OSMR: variants seen among roughly 807,000 people sequenced by gnomAD.
The protein encoded by OSMR is oncostatin-M-specific receptor subunit beta.
A neutral mutation model predicts 99.9 loss-of-function variants in OSMR; 81 were observed. That is an observed-to-expected ratio of 0.81 (90% CI 0.68 to 0.97). The LOEUF (loss-of-function observed/expected upper bound fraction) is 0.97. Ranked by LOEUF, OSMR falls within the 50% of genes least tolerant of loss-of-function variation. OSMR has a pLI of 0.00. For synonymous variants in OSMR, 406 were observed against 410.4 expected (o/e 0.99, Z 0.13); for missense variants, 1,099 against 1,153.4 (o/e 0.95, Z 0.68).
intron 9 of OSMR, among the ~76,000 whole-genome samples, chr5:38,909,725 G>A (rs535140222): frequency 6.6e-6 from 1 of 152,292 alleles, no homozygotes; most frequent in East Asian, 1.9e-4. Flanking sequence ...GATCCTTAAG[G>A]AAGTGCCAAA....
intron 2 of OSMR, chr5:38,944,761 G>A: frequency 3.6e-6 from 3 of 835,248 alleles, no homozygotes; most frequent in Non-Finnish European, 5.7e-6. Flanking sequence ...TGATATAGGT[G>A]CAATAATTAA....
At chr5:38,942,760 T>C in intron 1 of OSMR, 1 of 1,247,862 alleles carries the variant, frequency 8.0e-7, no homozygotes, top group South Asian at 1.3e-5. Flanking sequence ...CCAGCTATAA[T>C]CTGTATTTTA....
rs1227291247 is a variant in OSMR at position 38,870,480 on chromosome 5, C to T, written c.73+1363C>T. ...CTGAGTAGCTGGGATTACAGGCACA[C>T]GCCACCACGCCCAGCTAATTTTTTT... On this transcript the variant is annotated intron_variant, in intron 2 of 17. Coordinates refer to ENST00000274276, the MANE Select transcript of OSMR (RefSeq NM_003999.3). Among the ~76,000 whole-genome samples the T allele has an allele frequency of 5.9e-5, 9 of 152,024 alleles. No homozygotes were observed. The East Asian group carries it at 1.2e-3, about 20-fold the overall frequency.
At chr5:38,930,451 A>G (rs896913980) in intron 15 of OSMR, among the ~76,000 whole-genome samples, 1 of 152,144 alleles carries the variant, frequency 6.6e-6, no homozygotes. Context: ...ATCAAGCCCC[A>G]TTTCTTCCAG....
At chr5:38,911,228 A>G (rs1745557556) in intron 9 of OSMR, among the ~76,000 whole-genome samples, 1 of 152,190 alleles carries the variant, frequency 6.6e-6, no homozygotes, top group Non-Finnish European at 1.5e-5. Context: ...AATAAACACA[A>G]TCAGAAATGT....
At chr5:38,856,617 G>T (rs577880575) in intron 1 of OSMR, among the ~76,000 whole-genome samples, 1 of 152,164 alleles carries the variant, frequency 6.6e-6, no homozygotes, top group Non-Finnish European at 1.5e-5. Flanking sequence ...AGTATAAAGG[G>T]CAGGAATTCC....
chr5:38,877,520 C>T (rs1329735408), intron 3 of OSMR, among the ~76,000 whole-genome samples: 1 of 152,150 alleles, frequency 6.6e-6, no homozygotes, highest in Admixed American at 6.5e-5. Context: ...CTGTTTACTC[C>T]CTGCTATCAA....
chr5:38,912,443 A>T (rs1010709969), intron 9 of OSMR, among the ~76,000 whole-genome samples: 1 of 152,230 alleles, frequency 6.6e-6, no homozygotes, highest in Non-Finnish European at 1.5e-5. Context: ...AGAAATAGAA[A>T]AATATTCCGT....
chr5:38,857,943 C>T (rs1402193066), intron 1 of OSMR, among the ~76,000 whole-genome samples: 1 of 152,124 alleles, frequency 6.6e-6, no homozygotes, highest in Non-Finnish European at 1.5e-5. Context: ...GCTGGGATTA[C>T]AGGCGTGAGC....
In OSMR at chr5:38,918,005, T is replaced by C. The variant is rs149813278; in HGVS notation, c.1362+383T>C. ...TAAAAATTGTAATATAAAATAAATT[T>C]TATCCTTCTATCTTGACTAATACAC... On this transcript the variant is annotated intron_variant, in intron 10 of 17. Coordinates refer to ENST00000274276, the MANE Select transcript of OSMR (RefSeq NM_003999.3). 1.6e-3 allele frequency among the ~76,000 whole-genome samples: 248 copies of C among 152,238 alleles called. 3 individuals are homozygous for C. Among genetic ancestry groups the C allele is most frequent in the African/African-American group, 5.4e-3 (223 of 41,546 alleles).
intron 1 of OSMR, chr5:38,941,806 C>T (rs1747600650): frequency 4.3e-6 from 1 of 233,092 alleles, no homozygotes; most frequent in South Asian, 1.8e-4. Flanking sequence ...AGTTCCCTCT[C>T]TAATACCAGC....
At chr5:38,924,234 AAC>A in intron 13 of OSMR, 186 bp from the exon 14 acceptor site, 1 of 832,040 alleles carries the variant, frequency 1.2e-6, no homozygotes, top group East Asian at 1.2e-4. Context: ...AAGATTGCTC[AAC>A]TCCTTCACAG....
At chr5:38,942,914 G>C (rs1428007561) in intron 1 of OSMR, 1 of 1,607,070 alleles carries the variant, frequency 6.2e-7, no homozygotes, top group African/African-American at 1.3e-5. Flanking sequence ...ACAGCAAATG[G>C]GAAACCTCAG....
At chr5:38,916,050 T>C (rs1218922406) in intron 9 of OSMR, among the ~76,000 whole-genome samples, 1 of 152,200 alleles carries the variant, frequency 6.6e-6, no homozygotes, top group East Asian at 1.9e-4. Flanking sequence ...TCTTGTGAAG[T>C]TCATACCATG....
intron 3 of OSMR, among the ~76,000 whole-genome samples, chr5:38,877,823 A>G (rs974028256): frequency 9.2e-5 from 14 of 152,348 alleles, no homozygotes; most frequent in African/African-American, 3.4e-4. Flanking sequence ...AATATTAGCC[A>G]TACACCAAGT....
At chr5:38,894,592 A>AC in intron 7 of OSMR, among the ~76,000 whole-genome samples, 1 of 79,860 alleles carries the variant, frequency 1.3e-5, no homozygotes, top group Non-Finnish European at 2.5e-5. Context: ...GTTAAAAAAG[A>AC]CAAAAAAAAG....
chr5:38,858,578 G>T (rs1474790716), intron 1 of OSMR, among the ~76,000 whole-genome samples: 1 of 152,144 alleles, frequency 6.6e-6, no homozygotes. Flanking sequence ...ACATGGGGGT[G>T]CAGGGATCCC....
chr5:38,856,344 T>A (rs1438270814), intron 1 of OSMR, among the ~76,000 whole-genome samples: 1 of 152,232 alleles, frequency 6.6e-6, no homozygotes, highest in African/African-American at 2.4e-5. Context: ...TTTATTGATT[T>A]TAGCAGAAGG....
intron 2 of OSMR, among the ~76,000 whole-genome samples, chr5:38,875,176 A>T (rs1211581747): frequency 6.6e-6 from 1 of 152,206 alleles, no homozygotes; most frequent in Non-Finnish European, 1.5e-5. Context: ...GATTTTATCG[A>T]TGCAGGCTTT....
Sources: gnomAD v4.1 joint callset for allele counts (sites outside exome capture counted in the v4.1 genomes callset) on GRCh38, gnomAD v4.1.1 for gene constraint, MANE v1.5 for transcripts, NCBI Gene and HGNC (gene_info 2026-07-23, HGNC 2026-07-21) for gene names.